Variants in MBNL2 observed in about 807,000 individuals in gnomAD.
MBNL2 encodes muscleblind like splicing regulator 2.
A neutral mutation model predicts 41.9 loss-of-function variants in MBNL2; 17 were observed. The observed-to-expected ratio is 0.41, with a 90% CI of 0.28 to 0.61. The LOEUF (loss-of-function observed/expected upper bound fraction) is 0.61. Among genes scored for constraint, MBNL2 ranks in the 20% least tolerant of loss-of-function variants. The probability of loss-of-function intolerance (pLI) is 0.35; values close to 1 mark genes in which losing one functional copy is unlikely to be tolerated. For synonymous variants in MBNL2, 195 were observed against 182.9 expected, an observed-to-expected ratio of 1.07 and a Z score of -0.53; for missense variants, 336 against 505.6, an observed-to-expected ratio of 0.66 and a Z score of 3.22.
At chr13:97,299,331 G>A (rs1415850712) in intron 2 of MBNL2, among the ~76,000 whole-genome samples, 3 of 152,098 alleles carry the variant, frequency 2.0e-5, no homozygotes, top group South Asian at 4.1e-4. Context: ...GGCAACACAA[G>A]GTTCCTGCCA....
chr13:97,167,868 CTA>C, the MBNL2 span, among the ~76,000 whole-genome samples: 1 of 152,128 alleles, frequency 6.6e-6, no homozygotes, highest in East Asian at 1.9e-4. Context: ...GTCCCTTAAC[CTA>C]TATATTTGTC....
chr13:97,310,967 A>G (rs944441487), intron 2 of MBNL2, among the ~76,000 whole-genome samples: 1 of 152,168 alleles, frequency 6.6e-6, no homozygotes, highest in Non-Finnish European at 1.5e-5. Context: ...ATGTAATATG[A>G]TTAGGTCTTG....
intron 8 of MBNL2, among the ~76,000 whole-genome samples, chr13:97,368,683 C>T (rs952972235): frequency 6.8e-6 from 1 of 147,872 alleles, no homozygotes; most frequent in African/African-American, 2.5e-5. Flanking sequence ...AGAGAGATTC[C>T]ATAGGTATAT....
intron 3 of MBNL2, among the ~76,000 whole-genome samples, chr13:97,339,178 T>G (rs1412649064): frequency 1.5e-4 from 2 of 13,536 alleles, no homozygotes; most frequent in African/African-American, 5.5e-4. Context: ...TGTATGAGTA[T>G]GTATTGTGTA....
intron 2 of MBNL2, among the ~76,000 whole-genome samples, chr13:97,304,021 C>G (rs2153006220): frequency 6.6e-6 from 1 of 152,326 alleles, no homozygotes; most frequent in East Asian, 1.9e-4. Context: ...CTGACAAGCC[C>G]TCTCCCAAAA....
chr13:97,288,709 T>C (rs1181357851), intron 2 of MBNL2, among the ~76,000 whole-genome samples: 1 of 152,206 alleles, frequency 6.6e-6, no homozygotes, highest in Non-Finnish European at 1.5e-5. Flanking sequence ...TGATTCAATT[T>C]CCTCTGGCTC....
intron 8 of MBNL2, among the ~76,000 whole-genome samples, chr13:97,386,460 G>A (rs2065930463): frequency 6.6e-6 from 1 of 152,244 alleles, no homozygotes; most frequent in South Asian, 2.1e-4. Flanking sequence ...CTGGGGCTGA[G>A]TGGCTGTTGC....
At position 97,327,188 on chromosome 13, in the gene MBNL2, C is replaced by T. The variant is rs187090760; in HGVS notation, c.175-7088C>T. Among the ~76,000 whole-genome samples the T allele has an allele frequency of 4.3e-4, 65 of 152,310 alleles. No individual in the cohort carries two copies. The South Asian group carries it at 6.4e-3, about 15-fold the overall frequency. On this transcript the variant is annotated intron_variant, in intron 2 of 8. Transcript: ENST00000679496. ...AATTTTCACTTCCAAGCTGTGTACACTGTGGGTACTTAATAAATCCTCCTA... is the reference window on the plus strand; with the variant it reads ...AATTTTCACTTCCAAGCTGTGTACATTGTGGGTACTTAATAAATCCTCCTA...
At chr13:97,170,545 C>T in the MBNL2 span, among the ~76,000 whole-genome samples, 2 of 152,054 alleles carry the variant, frequency 1.3e-5, no homozygotes, top group African/African-American at 4.8e-5. Flanking sequence ...TTGGGGGTGG[C>T]TAGGCAGTGG....
chr13:97,361,059 G>A (rs906307703), intron 7 of MBNL2, among the ~76,000 whole-genome samples: 7 of 152,134 alleles, frequency 4.6e-5, no homozygotes, highest in Admixed American at 2.0e-4. Context: ...TATGTTCTGG[G>A]TTCCAGAGCC....
chr13:97,378,442 A>G (rs1461661076), intron 8 of MBNL2, among the ~76,000 whole-genome samples: 5 of 152,220 alleles, frequency 3.3e-5, no homozygotes, highest in Non-Finnish European at 7.3e-5. Flanking sequence ...ATGGGATGTC[A>G]ACTTCCTACT....
At chr13:97,261,010 A>T (rs1012370872) in intron 1 of MBNL2, among the ~76,000 whole-genome samples, 1 of 151,892 alleles carries the variant, frequency 6.6e-6, no homozygotes, top group Non-Finnish European at 1.5e-5. Flanking sequence ...GAAGATGCTA[A>T]CCCCATCCCA....
Position 97,346,314 on chromosome 13 carries a change from A to G in MBNL2, c.541-490A>G, listed in dbSNP as rs1294616514. Among the ~76,000 whole-genome samples the G allele has an allele frequency of 6.6e-6, 1 of 152,038 alleles. No homozygotes were observed. The highest frequency in any genetic ancestry group is 1.5e-5 in the Non-Finnish European group (1 of 67,976). ...ATGGATAGATAGATGGATAATAGAT[A>G]ATAGAGGGATAGATTGATAGATGAT... On this transcript the variant is annotated intron_variant, in intron 4 of 8. Coordinates refer to ENST00000679496, the MANE Select transcript of MBNL2 (RefSeq NM_001382683.1). This position sits in a 1 kb window ranked among gnomAD's most constrained non-coding sequence, Gnocchi z 4.2.
At chr13:97,179,170 A>G in the MBNL2 span, among the ~76,000 whole-genome samples, 20 of 152,212 alleles carry the variant, frequency 1.3e-4, no homozygotes. Context: ...ACTTCTCTTT[A>G]CAAGCCAGCT....
rs147635095 is a variant in MBNL2 at position 97,290,398 on chromosome 13, C to T, written c.174+13989C>T. 7.1e-3 allele frequency among the ~76,000 whole-genome samples: 1,088 copies of T among 152,184 alleles called. 11 individuals carry two copies. Among genetic ancestry groups the T allele is most frequent in the African/African-American group, 0.024 (1,006 of 41,542 alleles). On this transcript the variant is annotated intron_variant, in intron 2 of 8. Coordinates refer to ENST00000679496, the MANE Select transcript of MBNL2 (RefSeq NM_001382683.1). ...ATCAGCAGAAACAGCCCTCCTTGGCCGGGCGCGGTGGCTCACGCCTGTAAT... is the reference window on the plus strand; with the variant it reads ...ATCAGCAGAAACAGCCCTCCTTGGCTGGGCGCGGTGGCTCACGCCTGTAAT...
At position 97,291,449 on chromosome 13, in the gene MBNL2, G is replaced by C. The variant is rs566016550; in HGVS notation, c.174+15040G>C. On this transcript the variant is annotated intron_variant, in intron 2 of 8. Transcript: ENST00000679496. ...GTAGAGACCGGGTTTCACCGTGTTA[G>C]CCAGGATGGTCTCAATCCCCTGACC... Among the ~76,000 whole-genome samples, 4 of 152,130 alleles carry C rather than the reference G, an allele frequency of 2.6e-5. No individual in the cohort carries two copies. The East Asian group carries it at 7.8e-4, about 30-fold the overall frequency.
chr13:97,279,226 T>C (rs954110195), intron 2 of MBNL2, among the ~76,000 whole-genome samples: 2 of 152,248 alleles, frequency 1.3e-5, no homozygotes, highest in African/African-American at 4.8e-5. Context: ...CAGCAAGGGC[T>C]TTGAAATCAG....
At chr13:97,211,335 G>C in the MBNL2 span, among the ~76,000 whole-genome samples, 245 of 152,284 alleles carry the variant, frequency 1.6e-3, 2 homozygotes, top group African/African-American at 5.7e-3. Flanking sequence ...CCATGGGTTG[G>C]GGGTATAGAG....
At chr13:97,369,190 C>T (rs1456710201) in intron 8 of MBNL2, among the ~76,000 whole-genome samples, 2 of 152,166 alleles carry the variant, frequency 1.3e-5, no homozygotes, top group African/African-American at 4.8e-5. Flanking sequence ...ATAGGAAACC[C>T]AGGGCTTGGT....
Sources: gnomAD v4.1 joint callset for allele counts (sites outside exome capture counted in the v4.1 genomes callset) on GRCh38, gnomAD v4.1.1 for gene constraint, Gnocchi (gnomAD v3.1) non-coding constraint, MANE v1.5 for transcripts, NCBI Gene and HGNC (gene_info 2026-07-23, HGNC 2026-07-21) for gene names.